Variants in REDIC1 observed in about 807,000 individuals in gnomAD.
The protein encoded by REDIC1 is regulator of DNA class I crossover intermediates 1, also known as HEI10 Interacting Protein 1.
chr12:39,726,638 C>T, the REDIC1 span, among the ~76,000 whole-genome samples: 1 of 152,130 alleles, frequency 6.6e-6, no homozygotes, highest in East Asian at 1.9e-4. Flanking sequence ...GTGCATGTGT[C>T]TTTATAGTAG....
At chr12:39,682,794 CCTT>C in the REDIC1 span, 4 of 1,612,696 alleles carry the variant, frequency 2.5e-6, no homozygotes, top group Admixed American at 1.7e-5. Context: ...CTACTCCTAA[CCTT>C]CTATCAGAGA....
chr12:39,723,080 C>T, the REDIC1 span, among the ~76,000 whole-genome samples: 1 of 152,110 alleles, frequency 6.6e-6, no homozygotes. Flanking sequence ...GTTGGCAATA[C>T]TTCATGTGAA....
At chr12:39,735,732 G>T in the REDIC1 span, among the ~76,000 whole-genome samples, 3 of 152,232 alleles carry the variant, frequency 2.0e-5, no homozygotes, top group African/African-American at 7.2e-5. Context: ...TTTCATACAG[G>T]TAACTATCCC....
chr12:39,704,544 C>G, the REDIC1 span, among the ~76,000 whole-genome samples: 2 of 152,202 alleles, frequency 1.3e-5, no homozygotes, highest in East Asian at 3.9e-4. Context: ...ACTAGAAATA[C>G]CATTTGACCC....
the REDIC1 span, chr12:39,829,398 T>C: frequency 1.1e-5 from 1 of 94,748 alleles, no homozygotes; most frequent in Non-Finnish European, 2.1e-5. Flanking sequence ...AATTCTTTTT[T>C]TTTTTTTTTT....
chr12:39,814,469 C>A, the REDIC1 span, among the ~76,000 whole-genome samples: 1 of 152,014 alleles, frequency 6.6e-6, no homozygotes, highest in Admixed American at 6.5e-5. Flanking sequence ...TCACTAAAAT[C>A]AAAATTCTGA....
the REDIC1 span, among the ~76,000 whole-genome samples, chr12:39,810,508 G>C: frequency 6.6e-6 from 1 of 152,000 alleles, no homozygotes; most frequent in Non-Finnish European, 1.5e-5. Flanking sequence ...GGATCTCCAG[G>C]AAAATGTCAT....
chr12:39,777,178 T>G, the REDIC1 span, among the ~76,000 whole-genome samples: 1 of 152,204 alleles, frequency 6.6e-6, no homozygotes, highest in African/African-American at 2.4e-5. Context: ...CCCGCTTCCT[T>G]TTATTTCTTG....
chr12:39,775,669 T>A, the REDIC1 span, among the ~76,000 whole-genome samples: 1 of 152,112 alleles, frequency 6.6e-6, no homozygotes, highest in East Asian at 1.9e-4. Flanking sequence ...AAAGTTGGAG[T>A]GGGTAAGATA....
At chr12:39,767,362 T>C in the REDIC1 span, among the ~76,000 whole-genome samples, 2 of 151,738 alleles carry the variant, frequency 1.3e-5, no homozygotes, top group Non-Finnish European at 2.9e-5. Flanking sequence ...CTCCAAACTA[T>C]GCTGTAAATA....
the REDIC1 span, chr12:39,683,559 A>C: frequency 8.2e-7 from 1 of 1,219,538 alleles, no homozygotes; most frequent in East Asian, 2.4e-5. Flanking sequence ...AATTGATGCA[A>C]AGTGAGGTAG....
At chr12:39,824,603 G>C in the REDIC1 span, among the ~76,000 whole-genome samples, 2 of 152,278 alleles carry the variant, frequency 1.3e-5, no homozygotes, top group Admixed American at 1.3e-4. Context: ...TGAGGTGGAC[G>C]TGTCTCCTGG....
the REDIC1 span, among the ~76,000 whole-genome samples, chr12:39,698,316 C>A: frequency 6.6e-6 from 1 of 152,054 alleles, no homozygotes; most frequent in African/African-American, 2.4e-5. Flanking sequence ...TATATATGCA[C>A]CCAACACTGA....
chr12:39,772,838 G>A, the REDIC1 span, among the ~76,000 whole-genome samples: 7 of 149,108 alleles, frequency 4.7e-5, no homozygotes, highest in Admixed American at 4.1e-4. Flanking sequence ...GGCTATGCAC[G>A]TTTACATGTG....
the REDIC1 span, chr12:39,682,800 A>G: frequency 9.5e-5 from 153 of 1,612,846 alleles, no homozygotes; most frequent in African/African-American, 1.1e-3. Flanking sequence ...CTAACCTTCT[A>G]TCAGAGAATT....
chr12:39,662,882 A>G, the REDIC1 span, among the ~76,000 whole-genome samples: 3 of 152,100 alleles, frequency 2.0e-5, no homozygotes, highest in African/African-American at 7.2e-5. Flanking sequence ...AATTGGTAGG[A>G]TAATATGGTT....
chr12:39,789,373 C>G, the REDIC1 span, among the ~76,000 whole-genome samples: 5 of 151,948 alleles, frequency 3.3e-5, no homozygotes, highest in African/African-American at 1.2e-4. Context: ...CAGGTAGATG[C>G]CTTTAGCTAC....
the REDIC1 span, among the ~76,000 whole-genome samples, chr12:39,681,667 C>T: frequency 0.21 from 31,512 of 151,956 alleles, 3,996 homozygotes; most frequent in East Asian, 0.38. Context: ...TGAGAAACAA[C>T]GTAGGATCAT....
At chr12:39,810,867 G>A in the REDIC1 span, among the ~76,000 whole-genome samples, 1 of 152,066 alleles carries the variant, frequency 6.6e-6, no homozygotes, top group Non-Finnish European at 1.5e-5. Flanking sequence ...GGGAGATACT[G>A]CGATGTTCAT....
Sources: allele counts gnomAD v4.1 joint callset (sites outside exome capture counted in the v4.1 genomes callset), GRCh38; gene constraint gnomAD v4.1.1; transcripts MANE v1.5; gene names NCBI Gene and HGNC (gene_info 2026-07-23, HGNC 2026-07-21).